Variants in CDH1 observed in about 807,000 individuals in gnomAD.
CDH1 encodes cadherin 1.
Under a neutral mutation model 84.5 loss-of-function variants are expected in CDH1, and 35 were observed. That is an observed-to-expected ratio of 0.41 (90% confidence interval 0.32 to 0.55). The LOEUF (loss-of-function observed/expected upper bound fraction) is 0.55. Ranked by LOEUF, CDH1 falls within the 20% of genes least tolerant of loss-of-function variation. CDH1 has a pLI of 0.19. For synonymous variants in CDH1, 417 were observed against 439.0 expected (o/e 0.95, Z 0.63); for missense variants, 994 against 1,126.6 (o/e 0.88, Z 1.68).
At position 68,793,930 on chromosome 16, in the gene CDH1, CAAAAAAAAAAA is replaced by C. The variant is rs35590027; in HGVS notation, c.164-7729_164-7719del. ...TGGGCAACAGAGCAAGACTCTGTCT[CAAAAAAAAAAA>C]AAAAAAAAAAGTGGGAGGATGCTAA... On this transcript the variant is annotated intron_variant, in intron 2 of 15. Coordinates refer to ENST00000261769, the MANE Select transcript of CDH1 (RefSeq NM_004360.5). Among the ~76,000 whole-genome samples, 90 of 86,474 alleles carry C rather than the reference CAAAAAAAAAAA, an allele frequency of 1.0e-3. 1 individual carries two copies. The South Asian group carries it at 0.019, about 18-fold the overall frequency. 56.7% of individuals were successfully genotyped at this position (86,474 alleles called of 152,430 possible).
At chr16:68,832,287 G>T (rs1303308480) in intron 15 of CDH1, among the ~76,000 whole-genome samples, 1 of 144,446 alleles carries the variant, frequency 6.9e-6, no homozygotes, top group Non-Finnish European at 1.5e-5. Flanking sequence ...AAACCTAAAA[G>T]TTTTTTTTTT....
intron 5 of CDH1, among the ~76,000 whole-genome samples, chr16:68,809,985 G>A (rs1960772593): frequency 6.6e-6 from 1 of 152,210 alleles, no homozygotes; most frequent in South Asian, 2.1e-4. Flanking sequence ...GGAGGTCTGA[G>A]CCGTGGGGGG....
chr16:68,822,229 G>A lies in CDH1; in HGVS notation c.1936+4G>A, dbSNP rs864622365. The A allele has an allele frequency of 6.2e-7, 1 of 1,610,854 alleles. No individual in the cohort carries two copies. Among genetic ancestry groups the A allele is most frequent in the South Asian group, 1.1e-5 (1 of 91,008 alleles). On this transcript the variant is annotated splice_donor_region_variant and intron_variant, in intron 12 of 15. Transcript: ENST00000261769. ...ACCATTCAGTACAACGACCCAAGTG[G>A]GTACCTGAGTTTTATTTTGGCAACT...
Position 68,832,016 on chromosome 16 carries a change from A to G in CDH1, c.2440-1274A>G, listed in dbSNP as rs527457470. 2.6e-5 allele frequency among the ~76,000 whole-genome samples: 4 copies of G among 152,268 alleles called. No homozygotes were observed. The East Asian group carries it at 7.7e-4, about 29-fold the overall frequency. On this transcript the variant is annotated intron_variant, in intron 15 of 15. Coordinates refer to ENST00000261769, the MANE Select transcript of CDH1 (RefSeq NM_004360.5). ...GGTGGAGCTGGAGGCCATTATCCTT[A>G]GCAAACTAATGCAGGAACAGAAAAC... is the stretch of plus-strand genomic sequence containing the variant.
In CDH1 at chr16:68,803,705, G is replaced by A. The variant is rs1597886427; in HGVS notation, c.387+1812G>A. 2.0e-5 allele frequency among the ~76,000 whole-genome samples: 3 copies of A among 152,244 alleles called. No individual in the cohort carries two copies. The East Asian group carries it at 5.8e-4, about 29-fold the overall frequency. ...GCCACTGAGCCCGGCTGCAGGGACA[G>A]TTTTGAGCTTGGGTCTTCAACTTTT... On this transcript the variant is annotated intron_variant, in intron 3 of 15. Coordinates refer to ENST00000261769, the MANE Select transcript of CDH1 (RefSeq NM_004360.5).
chr16:68,741,265 T>A lies in CDH1; in HGVS notation c.163+2854T>A, dbSNP rs762776742. ...GGACTGTGGGGTCTCCTTGTATCAG[T>A]CCAATGTGGAGTCGCCCCAGGATGG... On this transcript the variant is annotated intron_variant, in intron 2 of 15. Coordinates refer to ENST00000261769, the MANE Select transcript of CDH1 (RefSeq NM_004360.5). 1.2e-4 allele frequency among the ~76,000 whole-genome samples: 18 copies of A among 152,120 alleles called. 1 individual carries two copies. The highest frequency in any genetic ancestry group is 1.9e-4 in the Non-Finnish European group (13 of 68,024).
At chr16:68,750,479 G>A (rs1377227693) in intron 2 of CDH1, among the ~76,000 whole-genome samples, 1 of 151,984 alleles carries the variant, frequency 6.6e-6, no homozygotes, top group Non-Finnish European at 1.5e-5. Flanking sequence ...TGCCTAGAAG[G>A]GTTGAACCTG....
intron 10 of CDH1, among the ~76,000 whole-genome samples, chr16:68,816,880 A>G (rs3785076): frequency 0.14 from 21,450 of 152,250 alleles, 3,187 homozygotes; most frequent in African/African-American, 0.37. Context: ...TAAAAGAATG[A>G]TGAAAAGTCA....
At chr16:68,787,639 C>T (rs1960092224) in intron 2 of CDH1, among the ~76,000 whole-genome samples, 1 of 151,640 alleles carries the variant, frequency 6.6e-6, no homozygotes, top group Admixed American at 6.6e-5. Context: ...CCACCATGCC[C>T]AGCCTATAAC....
At chr16:68,832,873 C>A (rs1315328654) in intron 15 of CDH1, among the ~76,000 whole-genome samples, 1 of 152,062 alleles carries the variant, frequency 6.6e-6, no homozygotes, top group South Asian at 2.1e-4. Flanking sequence ...TTCCCACACC[C>A]CCACTCCCCA....
Position 68,834,742 on chromosome 16 carries a change from G to T in CDH1, c.*1243G>T, listed in dbSNP as rs758055328. ...GCAGCTATCCAGTGACTTGTTCTGA[G>T]TAAGTGTGTTCATTAATGTTTATTT... is the stretch of plus-strand genomic sequence containing the variant. On this transcript the variant is annotated 3_prime_UTR_variant, in exon 16 of 16. Coordinates refer to ENST00000261769, the MANE Select transcript of CDH1 (RefSeq NM_004360.5). 5.6e-5 allele frequency: 13 copies of T among 232,412 alleles called. No individual in the cohort carries two copies. The highest frequency in any genetic ancestry group is 3.6e-4 in the South Asian group (2 of 5,608). 14.4% of individuals were successfully genotyped at this position (232,412 alleles called of 1,614,324 possible).
At chr16:68,823,827 A>G (rs1961243671) in intron 13 of CDH1, among the ~76,000 whole-genome samples, 1 of 151,986 alleles carries the variant, frequency 6.6e-6, no homozygotes, top group African/African-American at 2.4e-5. Context: ...CTAAGATGGG[A>G]AGGCCATGAA....
chr16:68,810,441 T>C, intron 6 of CDH1, 100 bp downstream of exon 6: 1 of 1,146,416 alleles, frequency 8.7e-7, no homozygotes, highest in Non-Finnish European at 1.3e-6. Context: ...CTAAAGCTGA[T>C]CCTTCCTACG....
intron 2 of CDH1, among the ~76,000 whole-genome samples, chr16:68,760,380 C>T (rs927166034): frequency 2.0e-5 from 3 of 150,498 alleles, no homozygotes; most frequent in Non-Finnish European, 4.4e-5. Flanking sequence ...TCCCAAAGCA[C>T]TGGGATTACA....
intron 2 of CDH1, among the ~76,000 whole-genome samples, chr16:68,750,708 G>GTTT (rs760443205): frequency 1.5e-5 from 2 of 137,000 alleles, no homozygotes; most frequent in South Asian, 2.4e-4. Context: ...TTTCTCCTTG[G>GTTT]TTTTTTTTTT....
chr16:68,814,259 G>C (rs1486249730), intron 9 of CDH1: 1 of 152,026 alleles, frequency 6.6e-6, no homozygotes, highest in African/African-American at 2.4e-5. Flanking sequence ...AGAAGCTAAG[G>C]CTTCTTGGTG....
At chr16:68,784,438 C>T (rs1359886068) in intron 2 of CDH1, among the ~76,000 whole-genome samples, 1 of 152,098 alleles carries the variant, frequency 6.6e-6, no homozygotes, top group Non-Finnish European at 1.5e-5. Context: ...CCAGCATCCG[C>T]CGGCAGCACC....
At chr16:68,761,635 A>T (rs1959227294) in intron 2 of CDH1, among the ~76,000 whole-genome samples, 1 of 152,182 alleles carries the variant, frequency 6.6e-6, no homozygotes, top group Non-Finnish European at 1.5e-5. Context: ...GGAAAGATGA[A>T]TCGGAATGGA....
chr16:68,815,472 A>C, intron 9 of CDH1, 43 bp from the exon 10 acceptor site: 1 of 1,613,340 alleles, frequency 6.2e-7, no homozygotes, highest in South Asian at 1.1e-5. Flanking sequence ...ACTAACACAA[A>C]ATGTTTCGTT....
Sources: allele counts gnomAD v4.1 joint callset (sites outside exome capture counted in the v4.1 genomes callset), GRCh38; gene constraint gnomAD v4.1.1; transcripts MANE v1.5; gene names NCBI Gene and HGNC (gene_info 2026-07-23, HGNC 2026-07-21).